The following GCNT4 variants were observed in gnomAD, a reference collection of about 807,000 sequenced individuals.
GCNT4 encodes beta-1,3-galactosyl-O-glycosyl-glycoprotein beta-1,6-N-acetylglucosaminyltransferase 4.
GCNT4 carries 17 observed loss-of-function variants against 31.3 expected under a neutral mutation model. The ratio of observed to expected loss-of-function variants is 0.54; its 90% CI spans 0.37 to 0.81. GCNT4 has a LOEUF of 0.81. Ranked by LOEUF, GCNT4 falls within the 40% of genes least tolerant of loss-of-function variation. The pLI is 0.00. For synonymous variants in GCNT4, 158 were observed against 190.6 expected, an observed-to-expected ratio of 0.83 and a Z score of 1.41; for missense variants, 503 against 525.5, an observed-to-expected ratio of 0.96 and a Z score of 0.42.
chr5:75,046,806 A>T (rs1398479628), intron 3 of GCNT4, among the ~76,000 whole-genome samples: 2 of 152,186 alleles, frequency 1.3e-5, no homozygotes, highest in South Asian at 4.1e-4. Context: ...AAAATACGCC[A>T]CTCTGATATT....
the GCNT4 span, among the ~76,000 whole-genome samples, chr5:75,018,737 T>C: frequency 6.6e-6 from 1 of 151,828 alleles, no homozygotes; most frequent in Non-Finnish European, 1.5e-5. Context: ...TCCACCAGAG[T>C]TGAGGTTAGT....
Position 75,029,827 on chromosome 5 carries a change from C to T in GCNT4, c.211G>A (p.Val71Ile), listed in dbSNP as rs1375998454. The change falls in exon 4 of 4, where the codon GTT (valine) becomes ATT (isoleucine). Residue 71 changes from valine to isoleucine, a missense_variant. Transcript: ENST00000652361. ...THVKDEVRYE[V>I]NCSGIYEQEP... Reference sequence around the variant, plus strand: ...TGTTCATAGATACCCGAACAGTTAACTTCATACCTGACTTCATCCTTAACA... The same window carrying T: ...TGTTCATAGATACCCGAACAGTTAATTTCATACCTGACTTCATCCTTAACA... The T allele has an allele frequency of 3.1e-6, 5 of 1,614,168 alleles. No individual in the cohort carries two copies. Among genetic ancestry groups the T allele is most frequent in the Non-Finnish European group, 4.2e-6 (5 of 1,180,010 alleles).
At chr5:75,043,248 T>C (rs1421081724) in intron 3 of GCNT4, among the ~76,000 whole-genome samples, 2 of 152,242 alleles carry the variant, frequency 1.3e-5, no homozygotes, top group East Asian at 3.8e-4. Context: ...CAGATTATGA[T>C]GTTAAAACAG....
In GCNT4 at chr5:75,047,961, A is replaced by G. The variant is rs1743481090; in HGVS notation, c.-66T>C. On this transcript the variant is annotated 5_prime_UTR_variant, in exon 3 of 4. Transcript: ENST00000652361. ...TAAACAGCGTAGGGAAAGGAACATC[A>G]CCGTCAGTTACTGAGGAGGTGCTAC... is the stretch of plus-strand genomic sequence containing the variant. 6.6e-6 allele frequency: 1 copy of G among 152,170 alleles called. No homozygotes were observed. The highest frequency in any genetic ancestry group is 2.1e-4 in the South Asian group (1 of 4,826). 9.4% of individuals were successfully genotyped at this position (152,170 alleles called of 1,614,324 possible).
intron 3 of GCNT4, among the ~76,000 whole-genome samples, chr5:75,035,220 G>A (rs187184711): frequency 6.6e-6 from 1 of 152,378 alleles, no homozygotes; most frequent in East Asian, 1.9e-4. Context: ...GGGCTAAATG[G>A]CTACAACCAT....
rs1246912461 is a variant in GCNT4 at position 75,029,567 on chromosome 5, G to T, written c.471C>A (p.His157Gln). 1.9e-6 allele frequency: 3 copies of T among 1,614,046 alleles called. No homozygotes were observed. Among genetic ancestry groups the T allele is most frequent in the Middle Eastern group, 1.6e-4 (1 of 6,084 alleles). The change falls in exon 4 of 4, where the codon CAC becomes CAA. Residue 157 changes from histidine to glutamine, a missense_variant. Coordinates refer to ENST00000652361, the MANE Select transcript of GCNT4 (RefSeq NM_001366737.1). The part of the protein sequence containing the change: ...ERLIHAIYNQ[H>Q]NIYCIHYDRK... ...GATCATAATGGATGCAGTAAATATT[G>T]TGCTGGTTGTATATAGCATGGATAA...
chr5:75,020,910 G>A (rs1373752919), downstream of GCNT4, among the ~76,000 whole-genome samples: 1 of 152,082 alleles, frequency 6.6e-6, no homozygotes. Flanking sequence ...TGAGTGATGA[G>A]GATGTTGGGA....
chr5:75,042,045 G>C (rs1434353584), intron 3 of GCNT4, among the ~76,000 whole-genome samples: 1 of 152,176 alleles, frequency 6.6e-6, no homozygotes, highest in Non-Finnish European at 1.5e-5. Context: ...AAGCTCACAT[G>C]AAACGTTTGC....
At chr5:75,023,338 A>C (rs913391793), downstream of GCNT4, among the ~76,000 whole-genome samples, 2 of 152,222 alleles carry the variant, frequency 1.3e-5, no homozygotes, top group African/African-American at 4.8e-5. Flanking sequence ...AGTTGTATAC[A>C]TCAACCAAGC....
intron 3 of GCNT4, among the ~76,000 whole-genome samples, chr5:75,047,559 A>C (rs1743469483): frequency 1.3e-5 from 2 of 151,784 alleles, no homozygotes; most frequent in South Asian, 2.1e-4. Flanking sequence ...ACAGTTTAGG[A>C]CTCCAGGTAC....
Position 75,028,081 on chromosome 5 carries a change from A to C in GCNT4, c.*595T>G, listed in dbSNP as rs1457478551. 3 of 152,796 alleles carry C rather than the reference A, an allele frequency of 2.0e-5. No homozygotes were observed. The highest frequency in any genetic ancestry group is 4.4e-5 in the Non-Finnish European group (3 of 68,298). The allele number at this position is 152,796 out of a possible 1,614,324, so 9.5% of individuals were successfully genotyped here. A position where few individuals can be genotyped will look rare whatever the true frequency, so the allele number is the denominator to read the frequency against. ...AGTCTCCTCAACCCTGAATTGACCA[A>C]GTAATGCACCAAAAGGCAGATTATG... On this transcript the variant is annotated 3_prime_UTR_variant, in exon 4 of 4. Transcript: ENST00000652361.
At position 75,029,948 on chromosome 5, in the gene GCNT4, C is replaced by T. The variant is rs1334382388; in HGVS notation, c.90G>A (p.Lys30=). 2 of 1,613,976 alleles carry T rather than the reference C, an allele frequency of 1.2e-6. No homozygotes were observed. Among genetic ancestry groups the T allele is most frequent in the African/African-American group, 1.3e-5 (1 of 74,908 alleles). ...FLTLWLLSLL[K]LLNVRRLFPQ... ...GAAAGAGTCGTCTCACATTTAGAAG[C>T]TTTAACAAAGAGAGCAGCCATAGGG... Residue 30 remains lysine (K), a synonymous_variant, in exon 4 of 4, where the codon AAG becomes AAA. Transcript: ENST00000652361.
At chr5:75,024,479 T>G (rs1040205631), downstream of GCNT4, among the ~76,000 whole-genome samples, 2 of 152,128 alleles carry the variant, frequency 1.3e-5, no homozygotes, top group Non-Finnish European at 2.9e-5. Context: ...GTGACTGTTA[T>G]GGGTTTAGAA....
chr5:75,043,131 G>A (rs1376674681), intron 3 of GCNT4, among the ~76,000 whole-genome samples: 1 of 152,132 alleles, frequency 6.6e-6, no homozygotes, highest in Non-Finnish European at 1.5e-5. Context: ...TTTATTTCAG[G>A]TTAATAAAAA....
At chr5:75,039,748 T>C (rs1376620030) in intron 3 of GCNT4, among the ~76,000 whole-genome samples, 1 of 152,168 alleles carries the variant, frequency 6.6e-6, no homozygotes, top group Non-Finnish European at 1.5e-5. Flanking sequence ...GCATCAACTC[T>C]TGCCTAGATA....
At chr5:75,039,002 G>C (rs1013878424) in intron 3 of GCNT4, among the ~76,000 whole-genome samples, 1 of 152,142 alleles carries the variant, frequency 6.6e-6, no homozygotes, top group Non-Finnish European at 1.5e-5. Flanking sequence ...GCCAGAGTCA[G>C]CGACACATAC....
At chr5:75,042,381 T>C (rs531547608) in intron 3 of GCNT4, among the ~76,000 whole-genome samples, 1 of 152,240 alleles carries the variant, frequency 6.6e-6, no homozygotes, top group Non-Finnish European at 1.5e-5. Flanking sequence ...ATGCTTTTTT[T>C]TCCCCCTCAG....
chr5:75,022,563 C>T (rs1742892043), downstream of GCNT4, among the ~76,000 whole-genome samples: 1 of 152,174 alleles, frequency 6.6e-6, no homozygotes, highest in African/African-American at 2.4e-5. Context: ...GCAAATCTCC[C>T]TCCCCTTTAA....
chr5:75,039,339 T>C (rs1473963927), intron 3 of GCNT4, among the ~76,000 whole-genome samples: 2 of 152,004 alleles, frequency 1.3e-5, no homozygotes. Flanking sequence ...GGTGATCCAC[T>C]TGCCTCGGCC....
Sources: allele counts gnomAD v4.1 joint callset (sites outside exome capture counted in the v4.1 genomes callset), GRCh38; gene constraint gnomAD v4.1.1; transcripts MANE v1.5; gene names NCBI Gene and HGNC (gene_info 2026-07-23, HGNC 2026-07-21).